Variants in PAK2 observed in about 807,000 individuals in gnomAD.
PAK2 encodes the protein p21 (RAC1) activated kinase 2.
A neutral mutation model predicts 65.9 loss-of-function variants in PAK2; 21 were observed. The ratio of observed to expected loss-of-function variants is 0.32; its 90% CI spans 0.23 to 0.46. PAK2 has a LOEUF of 0.46. Among genes scored for constraint, PAK2 ranks in the 20% least tolerant of loss-of-function variants. PAK2 has a pLI of 1.00. For synonymous variants in PAK2, 204 were observed against 219.7 expected (o/e 0.93, Z 0.63); for missense variants, 324 against 642.6 (o/e 0.50, Z 5.36).
At chr3:196,773,265 T>C (rs1714418211) in intron 1 of PAK2, among the ~76,000 whole-genome samples, 1 of 152,234 alleles carries the variant, frequency 6.6e-6, no homozygotes, top group African/African-American at 2.4e-5. Flanking sequence ...GTTTGCTCTT[T>C]TTTTTGTAAA....
chr3:196,780,615 A>G (rs533918019), intron 1 of PAK2, among the ~76,000 whole-genome samples: 26 of 152,114 alleles, frequency 1.7e-4, no homozygotes, highest in Non-Finnish European at 3.1e-4. Context: ...CAGCCAAACC[A>G]TATCACTCCC....
Position 196,751,745 on chromosome 3 carries a change from T to G in PAK2, c.-22+11588T>G, listed in dbSNP as rs1413268640. On this transcript the variant is annotated intron_variant, in intron 1 of 14. Transcript: ENST00000327134. ...TTATGAAACACAAATGAATTTCTTTTTTTTTTTTTTTTTTTTGAGACCGTT... is the reference window on the plus strand; with the variant it reads ...TTATGAAACACAAATGAATTTCTTTGTTTTTTTTTTTTTTTTGAGACCGTT... Among the ~76,000 whole-genome samples the G allele has an allele frequency of 2.4e-3, 107 of 44,284 alleles. 1 individual carries two copies. The highest frequency in any genetic ancestry group is 6.8e-3 in the African/African-American group (102 of 14,904). 29.1% of individuals were successfully genotyped at this position (44,284 alleles called of 152,430 possible).
In PAK2 at chr3:196,762,405, C is replaced by G. The variant is rs552857523; in HGVS notation, c.-21-20221C>G. Among the ~76,000 whole-genome samples the G allele has an allele frequency of 7.1e-3, 928 of 131,194 alleles. 6 individuals are homozygous for G. Among genetic ancestry groups the G allele is most frequent in the African/African-American group, 0.022 (786 of 35,682 alleles). 86.1% of individuals were successfully genotyped at this position (131,194 alleles called of 152,430 possible). A position where few individuals can be genotyped will look rare whatever the true frequency, so the allele number is the denominator to read the frequency against. ...ACGCCACTGCACTCCAGCCTGGGCA[C>G]CATTGAGCACTGAGTGAACGAGACT... On this transcript the variant is annotated intron_variant, in intron 1 of 14. Coordinates refer to ENST00000327134, the MANE Select transcript of PAK2 (RefSeq NM_002577.4).
At chr3:196,800,970 G>C (rs1715407442) in intron 2 of PAK2, among the ~76,000 whole-genome samples, 6 of 152,102 alleles carry the variant, frequency 3.9e-5, no homozygotes, top group Admixed American at 3.9e-4. Context: ...CTGAGAGGGA[G>C]GGGGTAGGGG....
chr3:196,762,623 T>A (rs1168731654), intron 1 of PAK2, among the ~76,000 whole-genome samples: 1 of 150,690 alleles, frequency 6.6e-6, no homozygotes, highest in African/African-American at 2.4e-5. Context: ...TGCAGTGAGC[T>A]GAGATGGCAG....
intron 5 of PAK2, among the ~76,000 whole-genome samples, chr3:196,805,784 TAAGTTATCGC>T (rs1300054904): frequency 6.6e-6 from 1 of 152,154 alleles, no homozygotes; most frequent in African/African-American, 2.4e-5. Flanking sequence ...ATCTGAAACT[TAAGTTATCGC>T]ATAAACACAG....
intron 5 of PAK2, among the ~76,000 whole-genome samples, chr3:196,806,327 G>A (rs555265530): frequency 6.6e-6 from 1 of 152,170 alleles, no homozygotes; most frequent in East Asian, 1.9e-4. Context: ...GTATATGTAT[G>A]CTTAGGGTAA....
intron 1 of PAK2, among the ~76,000 whole-genome samples, chr3:196,744,625 G>A (rs994290024): frequency 2.5e-5 from 3 of 120,570 alleles, no homozygotes; most frequent in Non-Finnish European, 5.9e-5. Context: ...TTTACTTACT[G>A]AGTTAGAAAT....
chr3:196,821,578 G>A (rs1326131543), intron 13 of PAK2, among the ~76,000 whole-genome samples: 1 of 151,964 alleles, frequency 6.6e-6, no homozygotes, highest in Non-Finnish European at 1.5e-5. Context: ...AGCTACGTGG[G>A]AGGCTGAGGC....
At chr3:196,774,661 G>C (rs776054033) in intron 1 of PAK2, among the ~76,000 whole-genome samples, 14 of 152,338 alleles carry the variant, frequency 9.2e-5, no homozygotes, top group South Asian at 4.1e-4. Flanking sequence ...TGACTCAGCA[G>C]TTCAGAGTTC....
At chr3:196,772,878 G>A (rs1329436350) in intron 1 of PAK2, among the ~76,000 whole-genome samples, 1 of 152,072 alleles carries the variant, frequency 6.6e-6, no homozygotes, top group Non-Finnish European at 1.5e-5. Context: ...GAAAAATTAA[G>A]GCTCACTTGT....
intron 3 of PAK2, among the ~76,000 whole-genome samples, chr3:196,802,495 G>A (rs556498045): frequency 5.3e-5 from 8 of 152,158 alleles, no homozygotes; most frequent in Admixed American, 2.0e-4. Flanking sequence ...TGGATATATC[G>A]TTTTCCTAGA....
At chr3:196,805,504 A>T (rs1251897331) in intron 5 of PAK2, 121 bp downstream of exon 5, 5 of 535,482 alleles carry the variant, frequency 9.3e-6, no homozygotes, top group Non-Finnish European at 1.7e-5. Context: ...TAACTACTCA[A>T]TAGGTGTTTT....
At chr3:196,827,409 A>T (rs1446708653) in intron 14 of PAK2, 76 bp downstream of exon 14, 8 of 1,546,310 alleles carry the variant, frequency 5.2e-6, no homozygotes, top group South Asian at 1.3e-5. Flanking sequence ...CCTAGGGCTA[A>T]TAAGTAGATT....
intron 14 of PAK2, among the ~76,000 whole-genome samples, chr3:196,828,074 C>T (rs919560920): frequency 7.6e-6 from 1 of 131,954 alleles, no homozygotes; most frequent in Non-Finnish European, 1.6e-5. Context: ...GTTTGTGCAT[C>T]GTATCACTCC....
rs185312422 is a variant in PAK2, at chr3:196,791,310, T to C, written c.187+8477T>C. 2.6e-5 allele frequency among the ~76,000 whole-genome samples: 4 copies of C among 152,338 alleles called. No homozygotes were observed. Among genetic ancestry groups the C allele is most frequent in the Non-Finnish European group, 5.9e-5 (4 of 68,028 alleles). On this transcript the variant is annotated intron_variant, in intron 2 of 14. Transcript: ENST00000327134. The surrounding 1 kb of genome is among the most constrained non-coding windows in gnomAD (Gnocchi z 4.0). The stretch of plus-strand genomic sequence containing the variant: ...ACAGAGAGTACCTGTATGTGTGTTA[T>C]GTAAAAACAAATGGCATTGAACAGA...
intron 8 of PAK2, among the ~76,000 whole-genome samples, chr3:196,810,901 G>A (rs539356850): frequency 2.0e-5 from 3 of 152,092 alleles, no homozygotes; most frequent in South Asian, 4.1e-4. Flanking sequence ...GTGATAATTA[G>A]AGGGAAGAAT....
At chr3:196,817,948 G>C (rs1711526187) in intron 11 of PAK2, 109 bp from the exon 12 acceptor site, 1 of 484,152 alleles carries the variant, frequency 2.1e-6, no homozygotes, top group South Asian at 4.3e-5. Context: ...AAGTATTGGA[G>C]GGTCTTCTGC....
chr3:196,761,767 C>T (rs1314121137), intron 1 of PAK2, among the ~76,000 whole-genome samples: 1,716 of 144,842 alleles, frequency 0.012, 27 homozygotes, highest in African/African-American at 0.038. Context: ...CCGGACGGGG[C>T]GGCTGGCCGG....
Sources: gnomAD v4.1 joint callset for allele counts (sites outside exome capture counted in the v4.1 genomes callset) on GRCh38, gnomAD v4.1.1 for gene constraint, Gnocchi (gnomAD v3.1) non-coding constraint, MANE v1.5 for transcripts, NCBI Gene and HGNC (gene_info 2026-07-23, HGNC 2026-07-21) for gene names.